The following MARCHF1 variants were observed in gnomAD, a reference collection of about 807,000 sequenced individuals.
MARCHF1 encodes membrane associated ring-CH-type finger 1.
Under a neutral mutation model 54.2 loss-of-function variants are expected in MARCHF1, and 40 were observed. The ratio of observed to expected loss-of-function variants is 0.74; its 90% CI spans 0.57 to 0.96. The LOEUF (loss-of-function observed/expected upper bound fraction) is 0.96, where lower values mean the gene tolerates loss of function less well. Ranked by LOEUF, MARCHF1 falls within the 40% of genes least tolerant of loss-of-function variation. MARCHF1 has a pLI of 0.00. For missense variants in MARCHF1, 586 were observed against 656.5 expected (o/e 0.89, Z 1.17); for synonymous variants, 236 against 236.3 (o/e 1.00, Z 0.01).
chr4:163,661,863 A>G (rs75891417), intron 5 of MARCHF1, among the ~76,000 whole-genome samples: 2,976 of 152,232 alleles, frequency 0.02, 98 homozygotes, highest in African/African-American at 0.066. Flanking sequence ...ATACAAATCT[A>G]ATTACATAGC....
At chr4:164,264,628 AC>A (rs1184218650) in intron 1 of MARCHF1, among the ~76,000 whole-genome samples, 5 of 152,214 alleles carry the variant, frequency 3.3e-5, no homozygotes, top group African/African-American at 9.6e-5. Context: ...GAGATATGAG[AC>A]CCACCACTGG....
chr4:163,787,969 C>T lies in MARCHF1; in HGVS notation c.111+66052G>A, dbSNP rs191915756. On this transcript the variant is annotated intron_variant, in intron 4 of 9. Transcript: ENST00000514618. ...GGACAATTATGCTGAACGAAATAAG[C>T]CAATCACAAAAGGACAAATATTGTA... 1.6e-3 allele frequency among the ~76,000 whole-genome samples: 247 copies of T among 151,914 alleles called. 1 individual carries two copies. The highest frequency in any genetic ancestry group is 5.7e-3 in the African/African-American group (237 of 41,488).
At chr4:163,693,893 G>A (rs188582015) in intron 5 of MARCHF1, among the ~76,000 whole-genome samples, 13 of 152,204 alleles carry the variant, frequency 8.5e-5, no homozygotes, top group East Asian at 7.7e-4. Flanking sequence ...GCATATTTTC[G>A]TTTACCCACA....
intron 1 of MARCHF1, among the ~76,000 whole-genome samples, chr4:164,329,291 A>C (rs1285682877): frequency 6.6e-6 from 1 of 152,218 alleles, no homozygotes; most frequent in Non-Finnish European, 1.5e-5. Context: ...TCTTCTGCTT[A>C]AAGTGTTAGA....
chr4:163,785,905 T>A (rs1260343289), intron 4 of MARCHF1, among the ~76,000 whole-genome samples: 1 of 151,958 alleles, frequency 6.6e-6, no homozygotes, highest in African/African-American at 2.4e-5. Flanking sequence ...GTGGGCCCAA[T>A]ATATTCTCAA....
At chr4:163,635,336 T>C (rs1328143217) in intron 5 of MARCHF1, among the ~76,000 whole-genome samples, 2 of 149,324 alleles carry the variant, frequency 1.3e-5, no homozygotes, top group Non-Finnish European at 1.5e-5. Flanking sequence ...ATCAACAAAA[T>C]TGATAGACCG....
intron 5 of MARCHF1, among the ~76,000 whole-genome samples, chr4:163,685,639 AG>A (rs1231822350): frequency 6.6e-6 from 1 of 152,102 alleles, no homozygotes; most frequent in East Asian, 1.9e-4. Flanking sequence ...ATTTTAGTAG[AG>A]ATGGGGCTTT....
chr4:164,046,076 TA>T (rs1242369829), intron 2 of MARCHF1, among the ~76,000 whole-genome samples: 1 of 152,146 alleles, frequency 6.6e-6, no homozygotes, highest in African/African-American at 2.4e-5. Flanking sequence ...ATTTCTAAAT[TA>T]AAGCCCCAGT....
At chr4:164,190,814 T>G (rs1731104276) in intron 1 of MARCHF1, among the ~76,000 whole-genome samples, 1 of 152,228 alleles carries the variant, frequency 6.6e-6, no homozygotes. Context: ...TCTTTCTCCT[T>G]CAGTCTTGAA....
intron 3 of MARCHF1, among the ~76,000 whole-genome samples, chr4:163,910,195 T>C (rs1196034276): frequency 2.6e-5 from 4 of 152,306 alleles, no homozygotes; most frequent in Non-Finnish European, 5.9e-5. Context: ...AACTAAATTA[T>C]ATACAAATAT....
chr4:164,018,808 T>C (rs1391854074), intron 2 of MARCHF1, among the ~76,000 whole-genome samples: 1 of 152,172 alleles, frequency 6.6e-6, no homozygotes, highest in African/African-American at 2.4e-5. Context: ...TGTGACATGG[T>C]GGTTTTCAAG....
At chr4:164,195,020 T>C (rs1731217008) in intron 1 of MARCHF1, among the ~76,000 whole-genome samples, 1 of 151,784 alleles carries the variant, frequency 6.6e-6, no homozygotes, top group Non-Finnish European at 1.5e-5. Context: ...TGTATCCGTA[T>C]GTTCTCATTT....
At chr4:163,676,300 T>C (rs1743917504) in intron 5 of MARCHF1, among the ~76,000 whole-genome samples, 1 of 148,964 alleles carries the variant, frequency 6.7e-6, no homozygotes, top group Non-Finnish European at 1.5e-5. Flanking sequence ...GATGTTGCAG[T>C]GAGCCGAGGT....
At chr4:163,705,646 C>T (rs995214503) in intron 4 of MARCHF1, among the ~76,000 whole-genome samples, 5 of 151,794 alleles carry the variant, frequency 3.3e-5, no homozygotes, top group Non-Finnish European at 7.4e-5. Flanking sequence ...CTAACATAAG[C>T]TCTAAGTAAA....
chr4:163,538,944 A>G (rs1738627463), intron 9 of MARCHF1, among the ~76,000 whole-genome samples: 1 of 152,044 alleles, frequency 6.6e-6, no homozygotes, highest in African/African-American at 2.4e-5. Context: ...AGGAAACACA[A>G]CTCATTCGGA....
At chr4:164,174,709 T>C (rs1254091543) in intron 1 of MARCHF1, among the ~76,000 whole-genome samples, 1 of 152,240 alleles carries the variant, frequency 6.6e-6, no homozygotes, top group African/African-American at 2.4e-5. Flanking sequence ...GTTGTTCTAA[T>C]ATATTTGTTT....
At chr4:164,127,819 G>A (rs1756217827) in intron 1 of MARCHF1, among the ~76,000 whole-genome samples, 1 of 152,104 alleles carries the variant, frequency 6.6e-6, no homozygotes, top group Non-Finnish European at 1.5e-5. Flanking sequence ...CCCCCAACAT[G>A]CTAAAGTATT....
chr4:163,609,736 A>G (rs1741271063), intron 7 of MARCHF1, among the ~76,000 whole-genome samples: 1 of 151,738 alleles, frequency 6.6e-6, no homozygotes, highest in Non-Finnish European at 1.5e-5. Context: ...TATTATGTAG[A>G]ACCCCACTAT....
chr4:163,644,207 C>G (rs1372085283), intron 5 of MARCHF1, among the ~76,000 whole-genome samples: 1 of 152,124 alleles, frequency 6.6e-6, no homozygotes, highest in Non-Finnish European at 1.5e-5. Context: ...AGAAGGTCCA[C>G]CACTCATTTT....
Sources: gnomAD v4.1 joint callset for allele counts (sites outside exome capture counted in the v4.1 genomes callset) on GRCh38, gnomAD v4.1.1 for gene constraint, MANE v1.5 for transcripts, NCBI Gene and HGNC (gene_info 2026-07-23, HGNC 2026-07-21) for gene names.